The following DLG2 variants were observed in gnomAD, a reference collection of about 807,000 sequenced individuals.
The protein encoded by DLG2 is discs large MAGUK scaffold protein 2.
A neutral mutation model predicts 132.5 loss-of-function variants in DLG2; 45 were observed. The ratio of observed to expected loss-of-function variants is 0.34; its 90% CI spans 0.27 to 0.44. The LOEUF (loss-of-function observed/expected upper bound fraction) is 0.44, where lower values mean the gene tolerates loss of function less well. Ranked by LOEUF, DLG2 falls within the 20% of genes least tolerant of loss-of-function variation. The probability of loss-of-function intolerance (pLI) is 1.00; values close to 1 mark genes in which losing one functional copy is unlikely to be tolerated. For missense variants in DLG2, 1,045 were observed against 1,196.9 expected (o/e 0.87, Z 1.87); for synonymous variants, 424 against 419.6 (o/e 1.01, Z -0.13).
At position 85,104,549 on chromosome 11, in the gene DLG2, G is replaced by T. The variant is rs540406958; in HGVS notation, c.357+7112C>A. ...GTAGATTAGTGGTTTGTAAGAGCTGGGAGGAGAATGGGAAATTACTGCTAA... is the reference window on the plus strand; with the variant it reads ...GTAGATTAGTGGTTTGTAAGAGCTGTGAGGAGAATGGGAAATTACTGCTAA... On this transcript the variant is annotated intron_variant, in intron 6 of 27. Transcript: ENST00000376104. Among the ~76,000 whole-genome samples the T allele has an allele frequency of 1.2e-3, 180 of 151,808 alleles. 1 individual carries two copies. The highest frequency in any genetic ancestry group is 2.3e-3 in the Non-Finnish European group (153 of 67,816).
At chr11:84,317,548 C>T (rs955865355) in intron 7 of DLG2, among the ~76,000 whole-genome samples, 1 of 152,164 alleles carries the variant, frequency 6.6e-6, no homozygotes, top group Non-Finnish European at 1.5e-5. Flanking sequence ...CCGATCCCCA[C>T]ACAAAATACA....
intron 6 of DLG2, among the ~76,000 whole-genome samples, chr11:84,816,808 T>C (rs2077131182): frequency 6.6e-6 from 1 of 151,976 alleles, no homozygotes; most frequent in Non-Finnish European, 1.5e-5. Context: ...GAAATCTCTG[T>C]GTAAACTGTA....
At chr11:85,222,418 C>CA (rs1454266652) in intron 4 of DLG2, among the ~76,000 whole-genome samples, 2 of 152,284 alleles carry the variant, frequency 1.3e-5, no homozygotes, top group South Asian at 4.1e-4. Flanking sequence ...AAAAAACACC[C>CA]ACTCTTCTGG....
chr11:85,531,216 T>A (rs2153192069), intron 3 of DLG2, among the ~76,000 whole-genome samples: 1 of 152,346 alleles, frequency 6.6e-6, no homozygotes, highest in East Asian at 1.9e-4. Flanking sequence ...TGTAAAATGA[T>A]GAGTGTTGTT....
intron 6 of DLG2, among the ~76,000 whole-genome samples, chr11:84,790,074 C>CTG (rs899783540): frequency 1.3e-5 from 2 of 152,116 alleles, no homozygotes; most frequent in African/African-American, 2.4e-5. Flanking sequence ...TTCGATATTC[C>CTG]TGTTTCCTTT....
At chr11:85,180,606 T>A (rs2079624086) in intron 4 of DLG2, among the ~76,000 whole-genome samples, 1 of 151,908 alleles carries the variant, frequency 6.6e-6, no homozygotes, top group Non-Finnish European at 1.5e-5. Context: ...CCAACCTCAA[T>A]TGTGGCTTCA....
intron 16 of DLG2, among the ~76,000 whole-genome samples, chr11:83,851,670 C>T (rs1168300592): frequency 6.6e-6 from 1 of 151,090 alleles, no homozygotes; most frequent in African/African-American, 2.4e-5. Context: ...GCCTGTAATC[C>T]CAGCACTTTG....
intron 6 of DLG2, among the ~76,000 whole-genome samples, chr11:84,891,558 T>G (rs1054240001): frequency 6.6e-6 from 1 of 152,120 alleles, no homozygotes; most frequent in African/African-American, 2.4e-5. Context: ...AGGATAACAG[T>G]AATTTTTTCT....
rs1566124626 is a variant in DLG2 at position 84,844,109 on chromosome 11, GTGTGTGTGTGTGTGTGTGTGTGTGTGTA to G, written c.357+267524_357+267551del. The stretch of plus-strand genomic sequence containing the variant: ...TGTATATATATATATATATGTTTGT[GTGTGTGTGTGTGTGTGTGTGTGTGTGTA>G]TATATATATATATATATATATATAT... On this transcript the variant is annotated intron_variant, in intron 6 of 27. Transcript: ENST00000376104. 4.1e-3 allele frequency among the ~76,000 whole-genome samples: 328 copies of G among 79,994 alleles called. 1 individual carries two copies. The highest frequency in any genetic ancestry group is 6.8e-3 in the Admixed American group (59 of 8,696). 52.5% of individuals were successfully genotyped at this position (79,994 alleles called of 152,430 possible).
intron 6 of DLG2, among the ~76,000 whole-genome samples, chr11:84,699,916 T>C (rs117001994): frequency 8.6e-4 from 131 of 151,724 alleles, no homozygotes; most frequent in Non-Finnish European, 1.4e-3. Context: ...TTGGGTCAAA[T>C]GTAGGCTGTA....
intron 3 of DLG2, among the ~76,000 whole-genome samples, chr11:85,573,943 A>G (rs2077994936): frequency 6.6e-6 from 1 of 152,178 alleles, no homozygotes; most frequent in Admixed American, 6.5e-5. Flanking sequence ...CAGAAATTAG[A>G]GCTCAAGTCA....
At chr11:84,413,990 C>T (rs2098919544) in intron 7 of DLG2, among the ~76,000 whole-genome samples, 1 of 152,118 alleles carries the variant, frequency 6.6e-6, no homozygotes, top group South Asian at 2.1e-4. Flanking sequence ...ACTTCAAAGG[C>T]AAAACCCAAG....
At chr11:84,815,150 A>C (rs2076964167) in intron 6 of DLG2, among the ~76,000 whole-genome samples, 1 of 152,120 alleles carries the variant, frequency 6.6e-6, no homozygotes, top group Non-Finnish European at 1.5e-5. Flanking sequence ...CTCAACTCTC[A>C]AACTGTTTGT....
intron 6 of DLG2, among the ~76,000 whole-genome samples, chr11:84,943,345 CCTGCCTGCCTTTCTGCCTTCCTAA>C (rs2049742086): frequency 6.6e-6 from 1 of 151,924 alleles, no homozygotes; most frequent in Non-Finnish European, 1.5e-5. Context: ...TTCCTGCCTT[CCTGCCTGCCTTTCTGCCTTCCTAA>C]CTGCCTGCCT....
intron 7 of DLG2, among the ~76,000 whole-genome samples, chr11:84,275,259 T>TTTTAAA (rs1184228266): frequency 6.6e-6 from 1 of 152,256 alleles, no homozygotes; most frequent in African/African-American, 2.4e-5. Flanking sequence ...ATAGTCTTTG[T>TTTTAAA]GTGTGGAAAC....
At chr11:84,393,141 T>A (rs1375462028) in intron 7 of DLG2, among the ~76,000 whole-genome samples, 1 of 152,130 alleles carries the variant, frequency 6.6e-6, no homozygotes, top group East Asian at 1.9e-4. Context: ...ATCACTGTAG[T>A]TAAGGAGGCT....
chr11:84,952,772 C>A (rs1411042031), intron 6 of DLG2, among the ~76,000 whole-genome samples: 1 of 152,176 alleles, frequency 6.6e-6, no homozygotes, highest in East Asian at 1.9e-4. Context: ...CCCAGAACTA[C>A]ATTGCTGAAA....
chr11:85,071,433 T>C (rs2065848997), intron 6 of DLG2, among the ~76,000 whole-genome samples: 1 of 151,872 alleles, frequency 6.6e-6, no homozygotes, highest in Admixed American at 6.6e-5. Context: ...CCAAATGTGA[T>C]GTGTAGAAAA....
At chr11:83,929,019 G>A (rs780751420) in intron 15 of DLG2, among the ~76,000 whole-genome samples, 1 of 152,030 alleles carries the variant, frequency 6.6e-6, no homozygotes, top group East Asian at 1.9e-4. Flanking sequence ...AATATAGGTG[G>A]ACTTAATGAA....
Sources: allele counts gnomAD v4.1 joint callset (sites outside exome capture counted in the v4.1 genomes callset), GRCh38; gene constraint gnomAD v4.1.1; transcripts MANE v1.5; gene names NCBI Gene and HGNC (gene_info 2026-07-23, HGNC 2026-07-21).